Variants in SSBP2 observed in about 807,000 individuals in gnomAD.
SSBP2 encodes single-stranded DNA-binding protein 2.
SSBP2 carries 17 observed loss-of-function variants against 61.8 expected under a neutral mutation model. That is an observed-to-expected ratio of 0.28 (90% confidence interval 0.19 to 0.41). SSBP2 has a LOEUF of 0.41. Among genes scored for constraint, SSBP2 ranks in the 10% least tolerant of loss-of-function variants. SSBP2 has a pLI of 1.00. For synonymous variants in SSBP2, 139 were observed against 141.3 expected, an observed-to-expected ratio of 0.98 and a Z score of 0.12; for missense variants, 310 against 458.7, an observed-to-expected ratio of 0.68 and a Z score of 2.96.
At chr5:81,464,597 T>C (rs1216656584) in intron 9 of SSBP2, among the ~76,000 whole-genome samples, 1 of 152,170 alleles carries the variant, frequency 6.6e-6, no homozygotes, top group African/African-American at 2.4e-5. Flanking sequence ...ATTACTTTAG[T>C]GACCAGGGTT....
At chr5:81,533,769 GA>G (rs746993245) in intron 4 of SSBP2, among the ~76,000 whole-genome samples, 2 of 152,006 alleles carry the variant, frequency 1.3e-5, no homozygotes, top group Non-Finnish European at 2.9e-5. Context: ...GCTAGGTTAG[GA>G]AAACCTAAAC....
chr5:81,594,345 G>C (rs1156365403), intron 4 of SSBP2, among the ~76,000 whole-genome samples: 1 of 152,084 alleles, frequency 6.6e-6, no homozygotes, highest in Non-Finnish European at 1.5e-5. Context: ...CATAAAGCAA[G>C]TCCTTAGTGA....
At chr5:81,536,528 C>T (rs1770817590) in intron 4 of SSBP2, among the ~76,000 whole-genome samples, 2 of 152,114 alleles carry the variant, frequency 1.3e-5, no homozygotes, top group Non-Finnish European at 2.9e-5. Flanking sequence ...TATATTCTTA[C>T]CATAAGATTC....
At chr5:81,432,689 C>G (rs998296497) in intron 15 of SSBP2, among the ~76,000 whole-genome samples, 1 of 152,040 alleles carries the variant, frequency 6.6e-6, no homozygotes, top group Non-Finnish European at 1.5e-5. Flanking sequence ...GAGGTTGCAG[C>G]GAGCCAAGAT....
intron 1 of SSBP2, among the ~76,000 whole-genome samples, chr5:81,659,086 T>C (rs1181445056): frequency 6.6e-6 from 1 of 152,208 alleles, no homozygotes; most frequent in Non-Finnish European, 1.5e-5. Context: ...GCTGGAAGCA[T>C]ACCCTTTGAA....
At chr5:81,420,677 A>C in intron 16 of SSBP2, 144 bp from the exon 17 acceptor site, 3 of 672,816 alleles carry the variant, frequency 4.5e-6, no homozygotes, top group Non-Finnish European at 7.6e-6. Flanking sequence ...ATAAAATAAG[A>C]AACTATAAAA....
chr5:81,612,092 T>C (rs919805061), intron 4 of SSBP2, among the ~76,000 whole-genome samples: 2 of 152,154 alleles, frequency 1.3e-5, no homozygotes, highest in Admixed American at 6.5e-5. Flanking sequence ...GATGGTTTCA[T>C]GGGTGCATAC....
chr5:81,680,880 T>A (rs1286024656), intron 1 of SSBP2, among the ~76,000 whole-genome samples: 1 of 152,170 alleles, frequency 6.6e-6, no homozygotes, highest in Non-Finnish European at 1.5e-5. Flanking sequence ...AGAAAATCCA[T>A]AAGGACCTAC....
intron 9 of SSBP2, among the ~76,000 whole-genome samples, chr5:81,463,960 G>GTATTTTTA (rs1428323419): frequency 6.6e-6 from 1 of 151,472 alleles, no homozygotes; most frequent in East Asian, 1.9e-4. Flanking sequence ...GTTTAGATGG[G>GTATTTTTA]GTCTCCCTAT....
chr5:81,576,373 T>A (rs1774213993), intron 4 of SSBP2, among the ~76,000 whole-genome samples: 1 of 152,166 alleles, frequency 6.6e-6, no homozygotes, highest in South Asian at 2.1e-4. Context: ...TAACACTATA[T>A]GTTAGGCACT....
chr5:81,750,360 G>A (rs1757660782), intron 1 of SSBP2, among the ~76,000 whole-genome samples: 1 of 144,158 alleles, frequency 6.9e-6, no homozygotes. Context: ...TCCGCGCCCC[G>A]CGCGCGTCTC....
chr5:81,687,389 T>C (rs1200601601), intron 1 of SSBP2, among the ~76,000 whole-genome samples: 1 of 152,086 alleles, frequency 6.6e-6, no homozygotes. Context: ...AAGTGTTTGG[T>C]GCTAAATAAA....
intron 4 of SSBP2, among the ~76,000 whole-genome samples, chr5:81,586,991 T>G (rs1376658407): frequency 6.6e-6 from 1 of 152,132 alleles, no homozygotes; most frequent in Non-Finnish European, 1.5e-5. Flanking sequence ...ACATCCTGTG[T>G]TACTCCACTA....
intron 6 of SSBP2, among the ~76,000 whole-genome samples, chr5:81,483,580 A>C (rs9918175): frequency 0.24 from 36,356 of 152,000 alleles, 4,596 homozygotes; most frequent in Non-Finnish European, 0.28. Flanking sequence ...CAGAAAGTCT[A>C]AGCGACTTGC....
At chr5:81,606,456 T>C (rs1744887774) in intron 4 of SSBP2, among the ~76,000 whole-genome samples, 1 of 152,110 alleles carries the variant, frequency 6.6e-6, no homozygotes, top group Admixed American at 6.6e-5. Context: ...GTCAATCCTA[T>C]CTTGGTCTGA....
intron 1 of SSBP2, among the ~76,000 whole-genome samples, chr5:81,732,592 T>A (rs16899108): frequency 0.098 from 14,883 of 152,308 alleles, 814 homozygotes; most frequent in Middle Eastern, 0.2. Context: ...TTATAAGAAC[T>A]TCCTTTTTTC....
intron 4 of SSBP2, among the ~76,000 whole-genome samples, chr5:81,588,555 A>G (rs749310267): frequency 6.6e-6 from 1 of 151,802 alleles, no homozygotes; most frequent in Non-Finnish European, 1.5e-5. Context: ...TATATATAAT[A>G]TATCTATACA....
At chr5:81,622,943 G>C (rs2153632233) in intron 3 of SSBP2, among the ~76,000 whole-genome samples, 1 of 152,252 alleles carries the variant, frequency 6.6e-6, no homozygotes, top group South Asian at 2.1e-4. Flanking sequence ...AGTAAATACA[G>C]AGAAAACAAT....
Position 81,562,008 on chromosome 5 carries a change from G to A in SSBP2, c.283-48291C>T, listed in dbSNP as rs28660343. On this transcript the variant is annotated intron_variant, in intron 4 of 16. Coordinates refer to ENST00000320672, the MANE Select transcript of SSBP2 (RefSeq NM_012446.5). ...CAACCTCCATCTCCCGAGTTCAAGC[G>A]ATTCTCCTGTCTCAGCCTCCCAAGT... Among the ~76,000 whole-genome samples the A allele has an allele frequency of 6.3e-3, 959 of 152,026 alleles. 7 individuals are homozygous for A. Among genetic ancestry groups the A allele is most frequent in the African/African-American group, 0.021 (889 of 41,510 alleles).
Sources: allele counts gnomAD v4.1 joint callset (sites outside exome capture counted in the v4.1 genomes callset), GRCh38; gene constraint gnomAD v4.1.1; transcripts MANE v1.5; gene names NCBI Gene and HGNC (gene_info 2026-07-23, HGNC 2026-07-21).